The following KLC2 variants were observed in gnomAD, a reference collection of about 807,000 sequenced individuals.
KLC2 encodes KLC 2.
KLC2 carries 35 observed loss-of-function variants against 75.1 expected under a neutral mutation model. The observed-to-expected ratio is 0.47, with a 90% confidence interval of 0.36 to 0.62. KLC2 has a LOEUF of 0.62. Ranked by LOEUF, KLC2 falls within the 20% of genes least tolerant of loss-of-function variation. The pLI, the probability that KLC2 is intolerant of heterozygous loss-of-function variation, is 0.00. For missense variants in KLC2, 611 were observed against 833.2 expected (o/e 0.73, Z 3.28); for synonymous variants, 314 against 336.7 (o/e 0.93, Z 0.74).
chr11:66,264,789 G>C (rs1023751119), intron 9 of KLC2: 1 of 589,752 alleles, frequency 1.7e-6, no homozygotes, highest in Non-Finnish European at 3.0e-6. Context: ...GTCCCTCGGA[G>C]CCTGGCCCAT....
chr11:66,248,419 A>T, the KLC2 span, among the ~76,000 whole-genome samples: 4 of 152,160 alleles, frequency 2.6e-5, no homozygotes, highest in African/African-American at 9.7e-5. Context: ...CAGGAGTTCA[A>T]GACCAGCCTA....
At chr11:66,266,698 T>C in intron 15 of KLC2, 175 bp from the exon 16 acceptor site, 2 of 839,426 alleles carry the variant, frequency 2.4e-6, no homozygotes, top group South Asian at 2.8e-5. Flanking sequence ...ACACCGTCAC[T>C]GTGGAGATGG....
intron 15 of KLC2, 145 bp from the exon 16 acceptor site, chr11:66,266,728 A>G: frequency 1.1e-6 from 1 of 896,486 alleles, no homozygotes; most frequent in Non-Finnish European, 1.8e-6. Context: ...TCAGGGCACC[A>G]GGGTGTGGCC....
upstream of KLC2, among the ~76,000 whole-genome samples, chr11:66,252,923 C>A (rs1855975691): frequency 6.6e-6 from 1 of 151,966 alleles, no homozygotes; most frequent in Admixed American, 6.6e-5. Context: ...TAGACAAGGG[C>A]CCCTCAGGAA....
chr11:66,258,222 C>T, intron 1 of KLC2: 1 of 215,480 alleles, frequency 4.6e-6, no homozygotes, highest in Non-Finnish European at 9.4e-6. Context: ...GTCCGAGGGG[C>T]TGGGCCCGGA....
chr11:66,248,077 C>T, the KLC2 span, among the ~76,000 whole-genome samples: 2 of 152,304 alleles, frequency 1.3e-5, no homozygotes, highest in East Asian at 1.9e-4. Context: ...GCCCAAGGTC[C>T]GCCAGAGACT....
In KLC2 at chr11:66,267,348, A is replaced by C. The variant is rs1333463119; in HGVS notation, c.*392A>C. The C allele has an allele frequency of 1.3e-6, 1 of 746,666 alleles. No homozygotes were observed. The highest frequency in any genetic ancestry group is 1.5e-5 in the South Asian group (1 of 68,130). 46.3% of individuals were successfully genotyped at this position (746,666 alleles called of 1,614,324 possible). Reference sequence around the variant, plus strand: ...CGGCCGTTGCTTCTGTATATAGAGAAATAAGTTATTGGCCGCGCGCCTCCC... The same window carrying C: ...CGGCCGTTGCTTCTGTATATAGAGACATAAGTTATTGGCCGCGCGCCTCCC... On this transcript the variant is annotated 3_prime_UTR_variant, in exon 16 of 16. Coordinates refer to ENST00000394067, the MANE Select transcript of KLC2 (RefSeq NM_001318734.2).
At chr11:66,265,372 G>C in intron 11 of KLC2, 137 bp downstream of exon 11, 1 of 776,308 alleles carries the variant, frequency 1.3e-6, no homozygotes, top group Non-Finnish European at 2.1e-6. Flanking sequence ...TCCCAAGAAG[G>C]CTCTGTCTCC....
rs749629570 is a variant in KLC2, at chr11:66,265,170, T to G, written c.1269T>G (p.Asp423Glu). 1 of 1,606,294 alleles carries G rather than the reference T, an allele frequency of 6.2e-7. No individual in the cohort carries two copies. The highest frequency in any genetic ancestry group is 2.2e-5 in the East Asian group (1 of 44,820). Reference sequence around the variant, plus strand: ...CTTGTGACCATTCTTTCCTCCAGGATAAGCGCCGGGACAGCGCCCCCTATG... The same window carrying G: ...CTTGTGACCATTCTTTCCTCCAGGAGAAGCGCCGGGACAGCGCCCCCTATG... ...MHAEEREESK[D>E]KRRDSAPYGE... Residue 423 changes from aspartate (D) to glutamate (E), a missense_variant and splice_region_variant, in exon 11 of 16, where the codon GAT (aspartate) becomes GAG (glutamate). Transcript: ENST00000394067.
intron 4 of KLC2, 58 bp downstream of exon 4, chr11:66,262,250 T>A: frequency 3.8e-6 from 5 of 1,328,632 alleles, no homozygotes; most frequent in Non-Finnish European, 5.4e-6. Flanking sequence ...TCTTGGTCCT[T>A]GGGACCGAGT....
At chr11:66,265,590 G>T in intron 11 of KLC2, 65 bp from the exon 12 acceptor site, 1 of 1,355,816 alleles carries the variant, frequency 7.4e-7, no homozygotes, top group Non-Finnish European at 1.0e-6. Context: ...GCCCACTGTG[G>T]GCTGGGTGCC....
At chr11:66,263,067 T>C in intron 5 of KLC2, 31 bp downstream of exon 5, 1 of 1,530,950 alleles carries the variant, frequency 6.5e-7, no homozygotes. Flanking sequence ...CCCAAATTCT[T>C]CTGGAAGGCT....
chr11:66,262,717 G>C (rs1856521221), intron 4 of KLC2, 97 bp from the exon 5 acceptor site: 2 of 833,680 alleles, frequency 2.4e-6, no homozygotes, highest in South Asian at 3.0e-5. Flanking sequence ...GACTTGCCCA[G>C]GGCCATGTGT....
rs1856182186 is a variant in KLC2 at position 66,258,715 on chromosome 11, C to T, written c.121C>T (p.Pro41Ser). 1 of 1,613,690 alleles carries T rather than the reference C, an allele frequency of 6.2e-7. No homozygotes were observed. Residue 41 changes from proline to serine, a missense_variant, in exon 2 of 16, where the codon CCT becomes TCT. By Grantham distance (74) the Pro-to-Ser change is moderately conservative. Transcript: ENST00000394067. ...LRGEHRALLA[P>S]LVAPEAGEAE... ...TGGGGAGCATCGTGCCCTGCTGGCT[C>T]CTCTGGTTGCACCTGAGGCCGGCGA...
At chr11:66,258,886 C>A in intron 2 of KLC2, 64 bp downstream of exon 2, 11 of 1,133,414 alleles carry the variant, frequency 9.7e-6, no homozygotes, top group South Asian at 1.4e-5. Flanking sequence ...AAGAGGAATC[C>A]GGTAATGTAG....
At chr11:66,250,286 G>A in the KLC2 span, among the ~76,000 whole-genome samples, 4 of 144,002 alleles carry the variant, frequency 2.8e-5, no homozygotes, top group African/African-American at 4.9e-5. Context: ...CCGAGCCGCC[G>A]GACTCATTGT....
At chr11:66,260,659 C>T (rs1395961878) in intron 2 of KLC2, among the ~76,000 whole-genome samples, 1 of 151,982 alleles carries the variant, frequency 6.6e-6, no homozygotes, top group African/African-American at 2.4e-5. Flanking sequence ...TATAGTGGCA[C>T]GATCTCAGCT....
the KLC2 span, among the ~76,000 whole-genome samples, chr11:66,251,027 C>T: frequency 2.0e-5 from 3 of 152,078 alleles, no homozygotes; most frequent in South Asian, 2.1e-4. Flanking sequence ...TACAACACAC[C>T]GGGAGAAACA....
the KLC2 span, among the ~76,000 whole-genome samples, chr11:66,246,936 T>C: frequency 6.6e-6 from 1 of 152,004 alleles, no homozygotes; most frequent in Non-Finnish European, 1.5e-5. Flanking sequence ...CTTCCCAGCC[T>C]CAAAACCCTG....
Sources: gnomAD v4.1 joint callset for allele counts (sites outside exome capture counted in the v4.1 genomes callset) on GRCh38, gnomAD v4.1.1 for gene constraint, MANE v1.5 for transcripts, NCBI Gene and HGNC (gene_info 2026-07-23, HGNC 2026-07-21) for gene names.